The following TET1 variants were observed in gnomAD, a reference collection of about 807,000 sequenced individuals.
TET1 encodes the protein methylcytosine dioxygenase TET1.
A neutral mutation model predicts 148.7 loss-of-function variants in TET1; 13 were observed. The ratio of observed to expected loss-of-function variants is 0.09; its 90% CI spans 0.06 to 0.14. The LOEUF (loss-of-function observed/expected upper bound fraction) is 0.14. Ranked by LOEUF, TET1 falls within the 10% of genes least tolerant of loss-of-function variation. TET1 has a pLI of 1.00. For missense variants in TET1, 2,182 were observed against 2,553.8 expected (o/e 0.85, Z 3.14); for synonymous variants, 907 against 937.2 (o/e 0.97, Z 0.59).
chr10:68,561,675 T>A (rs1013797947), intron 1 of TET1, among the ~76,000 whole-genome samples: 4 of 150,408 alleles, frequency 2.7e-5, no homozygotes, highest in Non-Finnish European at 5.9e-5. Flanking sequence ...AATGCTCTCC[T>A]CTCTCTCTGT....
At position 68,665,470 on chromosome 10, in the gene TET1, C is replaced by T. The variant is rs116637446; in HGVS notation, c.4462-1575C>T. ...ATAGTTTTAGTTTCCAGAAGCCTTACGGATTTAATATTTAAGCAGTTTATG... is the reference window on the plus strand; with the variant it reads ...ATAGTTTTAGTTTCCAGAAGCCTTATGGATTTAATATTTAAGCAGTTTATG... On this transcript the variant is annotated intron_variant, in intron 6 of 11. Transcript: ENST00000373644. Among the ~76,000 whole-genome samples the T allele has an allele frequency of 8.7e-3, 1,316 of 152,092 alleles. 16 individuals carry two copies. The highest frequency in any genetic ancestry group is 0.03 in the African/African-American group (1,244 of 41,476).
intron 2 of TET1, among the ~76,000 whole-genome samples, chr10:68,591,706 TC>T (rs1339860408): frequency 2.0e-5 from 3 of 151,538 alleles, no homozygotes; most frequent in Non-Finnish European, 4.4e-5. Context: ...ATTGAGAACA[TC>T]CTGGCTAACA....
intron 2 of TET1, among the ~76,000 whole-genome samples, chr10:68,580,347 GT>G (rs2053779693): frequency 1.0e-5 from 1 of 100,188 alleles, no homozygotes; most frequent in Non-Finnish European, 1.8e-5. Context: ...TTGAGACAGA[GT>G]CTTGCTCTGT....
intron 9 of TET1, 42 bp downstream of exon 9, chr10:68,681,530 G>T: frequency 1.4e-6 from 2 of 1,409,928 alleles, no homozygotes; most frequent in Non-Finnish European, 9.9e-7. Context: ...ATTAATTTGA[G>T]GTGGGGTCTT....
At chr10:68,610,144 G>C (rs1471876916) in intron 3 of TET1, among the ~76,000 whole-genome samples, 1 of 151,886 alleles carries the variant, frequency 6.6e-6, no homozygotes, top group Non-Finnish European at 1.5e-5. Context: ...TTAGCCAGGC[G>C]TGGTGGCGGG....
chr10:68,657,454 G>C (rs1043507447), intron 6 of TET1, among the ~76,000 whole-genome samples: 9 of 152,130 alleles, frequency 5.9e-5, no homozygotes, highest in Non-Finnish European at 1.3e-4. Context: ...GGGATTACAG[G>C]CGTAAGCCAC....
At position 68,690,885 on chromosome 10, in the gene TET1, A is replaced by T; in HGVS notation, c.5482A>T (p.Thr1828Ser). The T allele has an allele frequency of 1.2e-6, 2 of 1,614,236 alleles. No individual in the cohort carries two copies. The highest frequency in any genetic ancestry group is 1.7e-6 in the Non-Finnish European group (2 of 1,180,042). Residue 1828 changes from threonine (T) to serine (S), a missense_variant, in exon 12 of 12, where the codon ACT (threonine) becomes TCT (serine). By Grantham distance (58) the Thr-to-Ser change is moderately conservative. Coordinates refer to ENST00000373644, the MANE Select transcript of TET1 (RefSeq NM_030625.3). ...TTTTATCTTAAAAAGTTCAGACAACACTAAAACTTATTCGCTGATGCCATC... is the reference window on the plus strand; with the variant it reads ...TTTTATCTTAAAAAGTTCAGACAACTCTAAAACTTATTCGCTGATGCCATC... ...PHFILKSSDNTKTYSLMPSAP... is the reference protein window; with the variant it reads ...PHFILKSSDNSKTYSLMPSAP...
chr10:68,575,644 G>A (rs1042365621), intron 2 of TET1, among the ~76,000 whole-genome samples: 3 of 151,794 alleles, frequency 2.0e-5, no homozygotes, highest in African/African-American at 7.3e-5. Flanking sequence ...GGAGGTTTCA[G>A]TGAGACGTCA....
rs538990447 is a variant in TET1 at position 68,567,721 on chromosome 10, C to T, written c.-122-4496C>T. ...ATGCCAAGATCGTGCCATTGAACTC[C>T]AGCCTGGGCAATAAGAGTGAAACTC... On this transcript the variant is annotated intron_variant, in intron 1 of 11. Transcript: ENST00000373644. Among the ~76,000 whole-genome samples the T allele has an allele frequency of 2.0e-5, 3 of 151,452 alleles. No homozygotes were observed. In the South Asian group the frequency reaches 6.3e-4, roughly 32 times the overall value.
rs2055604993 is a variant in TET1, at chr10:68,692,355, T to C, written c.*541T>C. ...TTATGAAATGTTTTCTCTCTTAAAATATTTCTCCTGTGTAAAATAAATCAT... is the reference window on the plus strand; with the variant it reads ...TTATGAAATGTTTTCTCTCTTAAAACATTTCTCCTGTGTAAAATAAATCAT... On this transcript the variant is annotated 3_prime_UTR_variant, in exon 12 of 12. Coordinates refer to ENST00000373644, the MANE Select transcript of TET1 (RefSeq NM_030625.3). 8.6e-6 allele frequency: 2 copies of C among 232,296 alleles called. No homozygotes were observed. The highest frequency in any genetic ancestry group is 4.4e-5 in the African/African-American group (2 of 45,300). The allele number at this position is 232,296 out of a possible 1,614,324, so 14.4% of individuals were successfully genotyped here.
chr10:68,596,626 C>T (rs1395305362), intron 2 of TET1, among the ~76,000 whole-genome samples: 1 of 152,162 alleles, frequency 6.6e-6, no homozygotes, highest in Non-Finnish European at 1.5e-5. Flanking sequence ...CCCATCAAAA[C>T]TCGCCCAGAG....
intron 1 of TET1, among the ~76,000 whole-genome samples, chr10:68,563,713 G>A (rs934396206): frequency 8.5e-5 from 13 of 152,270 alleles, no homozygotes; most frequent in African/African-American, 1.9e-4. Context: ...ACGGAGTCTC[G>A]CTCTGTCTCC....
At chr10:68,616,418 G>A (rs189371355) in intron 3 of TET1, among the ~76,000 whole-genome samples, 1 of 152,222 alleles carries the variant, frequency 6.6e-6, no homozygotes, top group Non-Finnish European at 1.5e-5. Flanking sequence ...GATCTCTGCA[G>A]CATCGTATCT....
At chr10:68,585,846 A>G (rs1479127820) in intron 2 of TET1, among the ~76,000 whole-genome samples, 8 of 151,834 alleles carry the variant, frequency 5.3e-5, no homozygotes. Context: ...CGTCTCCACT[A>G]AAAGTACAAA....
intron 3 of TET1, among the ~76,000 whole-genome samples, chr10:68,617,923 C>CTT (rs201768259): frequency 2.8e-5 from 4 of 145,164 alleles, no homozygotes; most frequent in South Asian, 2.2e-4. Flanking sequence ...CTTTCTTTCT[C>CTT]TTTTTTTTTT....
At chr10:68,679,894 G>A (rs1213259828) in intron 8 of TET1, among the ~76,000 whole-genome samples, 2 of 152,216 alleles carry the variant, frequency 1.3e-5, no homozygotes, top group East Asian at 3.9e-4. Context: ...GGCTGGTCTC[G>A]AACTCCTGAC....
Position 68,573,984 on chromosome 10 carries a change from G to T in TET1, c.1646G>T (p.Ser549Ile). The change falls in exon 2 of 12, where the codon AGT (serine) becomes ATT (isoleucine). Residue 549 changes from serine (S) to isoleucine (I), a missense_variant. By Grantham distance (142) the Ser-to-Ile change is moderately radical. Coordinates refer to ENST00000373644, the MANE Select transcript of TET1 (RefSeq NM_030625.3). ...SKSDRGSSQV[S>I]VTSTVHVVNT... ...TCAGACAGAGGGAGCTCCCAGGTCA[G>T]TGTAACCAGCACAGTTCATGTTGTC... 1 of 1,614,206 alleles carries T rather than the reference G, an allele frequency of 6.2e-7. No individual in the cohort carries two copies. The highest frequency in any genetic ancestry group is 8.5e-7 in the Non-Finnish European group (1 of 1,180,038).
At chr10:68,624,880 C>T (rs948338177) in intron 3 of TET1, among the ~76,000 whole-genome samples, 3 of 151,330 alleles carry the variant, frequency 2.0e-5, no homozygotes, top group Non-Finnish European at 2.9e-5. Context: ...TACAGGAGTC[C>T]GCCATCACGC....
At chr10:68,607,862 C>T (rs2054147780) in intron 3 of TET1, among the ~76,000 whole-genome samples, 1 of 148,684 alleles carries the variant, frequency 6.7e-6, no homozygotes, top group Non-Finnish European at 1.5e-5. Context: ...ATTTCATTTT[C>T]AAAGATTTGA....
Sources: gnomAD v4.1 joint callset for allele counts (sites outside exome capture counted in the v4.1 genomes callset) on GRCh38, gnomAD v4.1.1 for gene constraint, MANE v1.5 for transcripts, NCBI Gene and HGNC (gene_info 2026-07-23, HGNC 2026-07-21) for gene names.